Variants in SLC14A2 observed in about 807,000 individuals in gnomAD.
SLC14A2 encodes urea transporter 2.
In SLC14A2, 91 loss-of-function variants were observed where a neutral mutation model predicts 104.6. The observed-to-expected ratio is 0.87, with a 90% confidence interval of 0.73 to 1.04. SLC14A2 has a LOEUF of 1.04. Among genes scored for constraint, SLC14A2 ranks in the 50% least tolerant of loss-of-function variants. The pLI is 0.00. For missense variants in SLC14A2, 1,189 were observed against 1,156.0 expected, an observed-to-expected ratio of 1.03 and a Z score of -0.41; for synonymous variants, 476 against 466.4, an observed-to-expected ratio of 1.02 and a Z score of -0.27.
At chr18:45,520,133 A>T (rs923498979) in intron 2 of SLC14A2, among the ~76,000 whole-genome samples, 1 of 152,264 alleles carries the variant, frequency 6.6e-6, no homozygotes, top group Admixed American at 6.5e-5. Flanking sequence ...AGTTAAAAAG[A>T]TGCTTTAGCC....
intron 1 of SLC14A2, among the ~76,000 whole-genome samples, chr18:45,347,218 T>C (rs1469543428): frequency 2.0e-5 from 3 of 151,996 alleles, no homozygotes; most frequent in Non-Finnish European, 4.4e-5. Flanking sequence ...TAGCTGGGCA[T>C]GGTGGCATGC....
intron 1 of SLC14A2, among the ~76,000 whole-genome samples, chr18:45,332,390 A>G (rs1309839546): frequency 6.6e-6 from 1 of 152,230 alleles, no homozygotes; most frequent in African/African-American, 2.4e-5. Flanking sequence ...AAAGATAATT[A>G]AAGTTACATG....
chr18:45,265,985 G>A (rs2084588576), intron 1 of SLC14A2, among the ~76,000 whole-genome samples: 1 of 152,092 alleles, frequency 6.6e-6, no homozygotes, highest in Non-Finnish European at 1.5e-5. Flanking sequence ...GTATATCGTA[G>A]GTTAAAGTTG....
intron 15 of SLC14A2, 69 bp from the exon 16 acceptor site, chr18:45,669,237 A>AC (rs2046085161): frequency 1.3e-5 from 17 of 1,279,234 alleles, no homozygotes; most frequent in Middle Eastern, 4.6e-4. Context: ...GGGAGCCCCC[A>AC]CTGCAGCACA....
chr18:45,391,221 C>T (rs1016835641), intron 1 of SLC14A2, among the ~76,000 whole-genome samples: 1 of 152,114 alleles, frequency 6.6e-6, no homozygotes, highest in South Asian at 2.1e-4. Context: ...TGATGGTTTC[C>T]AGCTTCATCC....
At chr18:45,601,522 TATA>T (rs1330251411) in intron 2 of SLC14A2, among the ~76,000 whole-genome samples, 1 of 152,220 alleles carries the variant, frequency 6.6e-6, no homozygotes, top group Non-Finnish European at 1.5e-5. Flanking sequence ...CACTCAGAGC[TATA>T]ATATTTTCTG....
At chr18:45,206,492 G>A in the SLC14A2 span, among the ~76,000 whole-genome samples, 149,135 of 152,316 alleles carry the variant, frequency 0.98, 73,090 homozygotes, top group Middle Eastern at 1. Context: ...GGTATTCAGC[G>A]AGGTTAGCCT....
intron 1 of SLC14A2, among the ~76,000 whole-genome samples, chr18:45,382,396 T>C (rs1481300578): frequency 6.6e-6 from 1 of 152,142 alleles, no homozygotes; most frequent in Non-Finnish European, 1.5e-5. Context: ...TCAAGGACAA[T>C]GGGATTTTAT....
intron 2 of SLC14A2, among the ~76,000 whole-genome samples, chr18:45,563,313 C>T (rs904176641): frequency 2.0e-5 from 3 of 152,160 alleles, no homozygotes; most frequent in African/African-American, 4.8e-5. Context: ...GTGCTGTGAC[C>T]GGGAGCTCTC....
chr18:45,458,392 A>G (rs2086982705), intron 1 of SLC14A2, among the ~76,000 whole-genome samples: 1 of 152,160 alleles, frequency 6.6e-6, no homozygotes, highest in Admixed American at 6.5e-5. Context: ...CATCACAGGA[A>G]AACCCAGAGT....
intron 1 of SLC14A2, among the ~76,000 whole-genome samples, chr18:45,323,553 G>T (rs949106211): frequency 4.6e-5 from 7 of 152,028 alleles, no homozygotes; most frequent in African/African-American, 1.7e-4. Context: ...TTTCATTATG[G>T]CTCTTTCAAA....
chr18:45,177,610 G>C, the SLC14A2 span, among the ~76,000 whole-genome samples: 1 of 152,062 alleles, frequency 6.6e-6, no homozygotes, highest in Non-Finnish European at 1.5e-5. Flanking sequence ...TCAATTATCA[G>C]ATTAAATGTT....
At chr18:45,214,940 A>G (rs1334718087) in intron 1 of SLC14A2, among the ~76,000 whole-genome samples, 4 of 150,422 alleles carry the variant, frequency 2.7e-5, no homozygotes, top group Non-Finnish European at 5.9e-5. Flanking sequence ...AAAAAAGAAA[A>G]GAAATAAAAG....
In SLC14A2 at chr18:45,470,389, G is replaced by A. The variant is rs548067011; in HGVS notation, c.-124-12844G>A. Reference sequence around the variant, plus strand: ...ATAGCACAAAATTGTTCTTTACATTGTAACTTAAATGGAGAATCTATTTAT... The same window carrying A: ...ATAGCACAAAATTGTTCTTTACATTATAACTTAAATGGAGAATCTATTTAT... On this transcript the variant is annotated intron_variant, in intron 1 of 20. Transcript: ENST00000586448. Among the ~76,000 whole-genome samples, 25 of 152,032 alleles carry A rather than the reference G, an allele frequency of 1.6e-4. No homozygotes were observed. The South Asian group carries it at 1.7e-3, about 10-fold the overall frequency.
intron 1 of SLC14A2, among the ~76,000 whole-genome samples, chr18:45,406,426 G>C (rs1405366946): frequency 1.3e-5 from 2 of 152,126 alleles, no homozygotes; most frequent in African/African-American, 4.8e-5. Context: ...CTAAAGTCTT[G>C]AACTCCTCAA....
chr18:45,501,566 A>G (rs1318204975), intron 2 of SLC14A2, among the ~76,000 whole-genome samples: 1 of 152,216 alleles, frequency 6.6e-6, no homozygotes, highest in Non-Finnish European at 1.5e-5. Flanking sequence ...AACAGGGTGC[A>G]GGTGAAGGAC....
At chr18:45,541,227 A>C (rs1031078457) in intron 2 of SLC14A2, among the ~76,000 whole-genome samples, 1 of 152,170 alleles carries the variant, frequency 6.6e-6, no homozygotes, top group Non-Finnish European at 1.5e-5. Flanking sequence ...GTGTGTGTGC[A>C]CACGTGTGCC....
Position 45,639,870 on chromosome 18 carries a change from G to T in SLC14A2, c.968G>T (p.Gly323Val). 1 of 1,613,474 alleles carries T rather than the reference G, an allele frequency of 6.2e-7. No individual in the cohort carries two copies. The highest frequency in any genetic ancestry group is 1.6e-4 in the Middle Eastern group (1 of 6,062). ...SPLICLHAAI[G>V]SIVGLLAALS... ...CTCATCTGCTTGCATGCAGCCATTG[G>T]CTCAATCGTGGGGCTGCTAGCAGGT... The change falls in exon 7 of 20, where the codon GGC becomes GTC. Residue 323 changes from glycine to valine, a missense_variant. Gly to Val is a moderately radical substitution (Grantham distance 109). Transcript: ENST00000255226.
intron 2 of SLC14A2, among the ~76,000 whole-genome samples, chr18:45,540,906 A>T (rs1329951946): frequency 6.6e-6 from 1 of 152,160 alleles, no homozygotes; most frequent in Non-Finnish European, 1.5e-5. Flanking sequence ...GAAGCTAAGA[A>T]TCAAGGATTC....
Sources: allele counts gnomAD v4.1 joint callset (sites outside exome capture counted in the v4.1 genomes callset), GRCh38; gene constraint gnomAD v4.1.1; transcripts MANE v1.5; gene names NCBI Gene and HGNC (gene_info 2026-07-23, HGNC 2026-07-21).